The following MACROD2 variants were observed in gnomAD, a reference collection of about 807,000 sequenced individuals.
MACROD2 encodes ADP-ribose glycohydrolase MACROD2.
A neutral mutation model predicts 70.4 loss-of-function variants in MACROD2; 36 were observed. The ratio of observed to expected loss-of-function variants is 0.51; its 90% CI spans 0.39 to 0.68. The LOEUF (loss-of-function observed/expected upper bound fraction) is 0.68, where lower values mean the gene tolerates loss of function less well. MACROD2 is among the 30% of genes least tolerant of loss of function. The pLI, the probability that MACROD2 is intolerant of heterozygous loss-of-function variation, is 0.00. For synonymous variants in MACROD2, 172 were observed against 178.8 expected (o/e 0.96, Z 0.30); for missense variants, 496 against 538.4 (o/e 0.92, Z 0.78).
At chr20:14,048,518 ACTAT>A (rs2053511356) in intron 2 of MACROD2, among the ~76,000 whole-genome samples, 2 of 152,176 alleles carry the variant, frequency 1.3e-5, no homozygotes, top group African/African-American at 4.8e-5. Context: ...AACCCAAAAA[ACTAT>A]CTATGGGACT....
intron 3 of MACROD2, among the ~76,000 whole-genome samples, chr20:14,461,155 A>C (rs1018076778): frequency 6.6e-6 from 1 of 151,924 alleles, no homozygotes; most frequent in African/African-American, 2.4e-5. Context: ...TAGTCTTGGG[A>C]GGGTGTATGT....
intron 6 of MACROD2, among the ~76,000 whole-genome samples, chr20:15,415,078 G>A (rs1350158078): frequency 6.6e-6 from 1 of 152,198 alleles, no homozygotes; most frequent in Non-Finnish European, 1.5e-5. Context: ...GCATGCGGAA[G>A]TTAGAACAAA....
At chr20:14,644,719 C>T (rs575826164) in intron 4 of MACROD2, among the ~76,000 whole-genome samples, 1 of 152,242 alleles carries the variant, frequency 6.6e-6, no homozygotes, top group Non-Finnish European at 1.5e-5. Context: ...CATATGCAAA[C>T]TAATGCTATT....
At chr20:14,279,335 C>T (rs2082285131) in intron 3 of MACROD2, among the ~76,000 whole-genome samples, 1 of 152,150 alleles carries the variant, frequency 6.6e-6, no homozygotes, top group Non-Finnish European at 1.5e-5. Context: ...CTAGGACAAT[C>T]ATACCTTTTC....
At chr20:15,099,456 A>G (rs911327443) in intron 5 of MACROD2, among the ~76,000 whole-genome samples, 12 of 152,214 alleles carry the variant, frequency 7.9e-5, no homozygotes, top group African/African-American at 2.7e-4. Flanking sequence ...CTGACTGTCT[A>G]TAAGTCAGGA....
At chr20:15,577,002 A>G (rs1361443476) in intron 8 of MACROD2, among the ~76,000 whole-genome samples, 2 of 152,106 alleles carry the variant, frequency 1.3e-5, no homozygotes, top group African/African-American at 2.4e-5. Context: ...CACTTCATAC[A>G]CTTGCCTGTG....
At chr20:15,227,838 T>TTTTTTTTTTTC in intron 5 of MACROD2, among the ~76,000 whole-genome samples, 1 of 145,410 alleles carries the variant, frequency 6.9e-6, no homozygotes, top group Non-Finnish European at 1.5e-5. Context: ...TTTTTTTTTT[T>TTTTTTTTTTTC]TTTTTTTTTT....
chr20:14,388,900 T>C (rs997142716), intron 3 of MACROD2, among the ~76,000 whole-genome samples: 1 of 152,080 alleles, frequency 6.6e-6, no homozygotes, highest in African/African-American at 2.4e-5. Context: ...ATTTTTGAGA[T>C]AGAGTCTCAT....
chr20:14,975,356 A>G (rs757207321), intron 5 of MACROD2, among the ~76,000 whole-genome samples: 1 of 152,046 alleles, frequency 6.6e-6, no homozygotes, highest in Non-Finnish European at 1.5e-5. Context: ...AATTCTTAAT[A>G]GGGACTGGGC....
chr20:14,403,139 G>A (rs1416294709), intron 3 of MACROD2, among the ~76,000 whole-genome samples: 1 of 152,064 alleles, frequency 6.6e-6, no homozygotes, highest in South Asian at 2.1e-4. Context: ...TGAGACAAAT[G>A]TAGAATTATG....
chr20:15,439,323 C>A (rs777932439), intron 7 of MACROD2, among the ~76,000 whole-genome samples: 6 of 152,152 alleles, frequency 3.9e-5, no homozygotes, highest in Non-Finnish European at 4.4e-5. Flanking sequence ...AATCCTAGTT[C>A]TGCTATAATG....
chr20:14,017,544 A>G (rs2053011375), intron 2 of MACROD2, among the ~76,000 whole-genome samples: 1 of 152,048 alleles, frequency 6.6e-6, no homozygotes, highest in Non-Finnish European at 1.5e-5. Flanking sequence ...GAATTTTGTA[A>G]AATGCATTTT....
intron 6 of MACROD2, among the ~76,000 whole-genome samples, chr20:15,257,696 C>T (rs542840968): frequency 6.6e-6 from 1 of 151,952 alleles, no homozygotes; most frequent in African/African-American, 2.4e-5. Context: ...CATTTATGTA[C>T]AGCACATATA....
At chr20:14,209,741 G>C (rs756015356) in intron 3 of MACROD2, among the ~76,000 whole-genome samples, 23 of 152,086 alleles carry the variant, frequency 1.5e-4, no homozygotes, top group Non-Finnish European at 1.9e-4. Context: ...AATGAGCATG[G>C]GGGGTTTTGT....
At chr20:15,920,232 C>G (rs955837001) in intron 10 of MACROD2, among the ~76,000 whole-genome samples, 1 of 152,026 alleles carries the variant, frequency 6.6e-6, no homozygotes, top group Admixed American at 6.6e-5. Flanking sequence ...AAGGAGATGA[C>G]GGGGGTTAGA....
At chr20:15,093,727 T>C (rs1170270095) in intron 5 of MACROD2, among the ~76,000 whole-genome samples, 3 of 152,188 alleles carry the variant, frequency 2.0e-5, no homozygotes, top group African/African-American at 7.2e-5. Flanking sequence ...CATATACTTC[T>C]AAGAGAGGGA....
chr20:15,193,896 G>A (rs1438047206), intron 5 of MACROD2, among the ~76,000 whole-genome samples: 1 of 151,962 alleles, frequency 6.6e-6, no homozygotes, highest in East Asian at 1.9e-4. Flanking sequence ...GATGGTTGCT[G>A]AATCTTTCCA....
chr20:14,464,854 T>G (rs1478390282), intron 3 of MACROD2, among the ~76,000 whole-genome samples: 1 of 152,048 alleles, frequency 6.6e-6, no homozygotes, highest in Non-Finnish European at 1.5e-5. Context: ...TTTGAGTGAG[T>G]TTCTTAATCC....
intron 4 of MACROD2, among the ~76,000 whole-genome samples, chr20:14,525,383 A>G (rs187393387): frequency 2.0e-5 from 3 of 152,358 alleles, no homozygotes; most frequent in Middle Eastern, 3.4e-3. Context: ...ACTAATGTTT[A>G]TTAAGCAGCC....
Sources: allele counts gnomAD v4.1 joint callset (sites outside exome capture counted in the v4.1 genomes callset), GRCh38; gene constraint gnomAD v4.1.1; transcripts MANE v1.5; gene names NCBI Gene and HGNC (gene_info 2026-07-23, HGNC 2026-07-21).